Variants in UBR3 observed in about 807,000 individuals in gnomAD.
UBR3 encodes ubiquitin protein ligase E3 component n-recognin 3, also known as E3 ubiquitin-protein ligase UBR3.
A neutral mutation model predicts 243.2 loss-of-function variants in UBR3; 85 were observed. The ratio of observed to expected loss-of-function variants is 0.35; its 90% CI spans 0.29 to 0.42. UBR3 has a LOEUF of 0.42. Among genes scored for constraint, UBR3 ranks in the 10% least tolerant of loss-of-function variants. The pLI, the probability that UBR3 is intolerant of heterozygous loss-of-function variation, is 1.00. For synonymous variants in UBR3, 748 were observed against 799.8 expected (o/e 0.94, Z 1.09); for missense variants, 1,686 against 2,300.8 (o/e 0.73, Z 5.47).
intron 1 of UBR3, among the ~76,000 whole-genome samples, chr2:169,830,315 A>G (rs1291745860): frequency 6.6e-6 from 1 of 152,134 alleles, no homozygotes; most frequent in Non-Finnish European, 1.5e-5. Context: ...GCTTAGTACT[A>G]ATTACTCTGT....
intron 30 of UBR3, 34 bp downstream of exon 30, chr2:170,015,400 T>A (rs1369248613): frequency 6.5e-6 from 10 of 1,539,532 alleles, no homozygotes; most frequent in East Asian, 2.3e-5. Context: ...TTAAAAAAAA[T>A]TCTGTCATTT....
intron 19 of UBR3, among the ~76,000 whole-genome samples, chr2:169,938,722 A>G (rs1365149531): frequency 2.0e-5 from 3 of 152,204 alleles, no homozygotes; most frequent in Admixed American, 1.3e-4. Context: ...GCCTAAATCA[A>G]GGTCACAGAT....
At chr2:169,852,850 C>CAAAAAAAAAAAAA (rs869283640) in intron 1 of UBR3, among the ~76,000 whole-genome samples, 7 of 48,298 alleles carry the variant, frequency 1.4e-4, no homozygotes, top group Non-Finnish European at 9.9e-5. Flanking sequence ...GACTTCATCT[C>CAAAAAAAAAAAAA]AAAAAAAAAA....
chr2:169,862,416 A>C (rs1451167742), intron 1 of UBR3, among the ~76,000 whole-genome samples: 1 of 152,138 alleles, frequency 6.6e-6, no homozygotes, highest in African/African-American at 2.4e-5. Context: ...TGAATTTGGA[A>C]CTGAATTTCT....
chr2:170,081,455 G>A (rs570673000), intron 38 of UBR3, among the ~76,000 whole-genome samples: 91 of 152,034 alleles, frequency 6.0e-4, no homozygotes, highest in African/African-American at 2.1e-3. Context: ...AGCCAAGATC[G>A]TGCCACTGCA....
At chr2:169,960,389 A>AAATCTGAAAAAAT (rs1342483527) in intron 24 of UBR3, among the ~76,000 whole-genome samples, 1 of 152,000 alleles carries the variant, frequency 6.6e-6, no homozygotes, top group African/African-American at 2.4e-5. Context: ...TCTGAAAAAA[A>AAATCTGAAAAAAT]CTGAAATCTG....
At chr2:169,888,564 A>G (rs1340015555) in intron 5 of UBR3, among the ~76,000 whole-genome samples, 3 of 152,218 alleles carry the variant, frequency 2.0e-5, no homozygotes, top group Non-Finnish European at 2.9e-5. Flanking sequence ...TTGAACATCT[A>G]TAAAAAGGAA....
intron 8 of UBR3, among the ~76,000 whole-genome samples, chr2:169,900,148 T>G (rs947945930): frequency 6.6e-5 from 10 of 152,226 alleles, no homozygotes; most frequent in Non-Finnish European, 1.3e-4. Context: ...CCACATCCTC[T>G]CCAGCGTCTG....
chr2:169,965,730 A>G (rs2087775948), intron 24 of UBR3, among the ~76,000 whole-genome samples: 1 of 152,164 alleles, frequency 6.6e-6, no homozygotes, highest in Non-Finnish European at 1.5e-5. Context: ...TCATCACGCT[A>G]CTCAAAATGG....
intron 1 of UBR3, among the ~76,000 whole-genome samples, chr2:169,831,127 A>ATATATATATAT (rs1450878762): frequency 3.5e-5 from 2 of 56,478 alleles, no homozygotes; most frequent in African/African-American, 1.8e-4. Flanking sequence ...ATATATATAT[A>ATATATATATAT]TTTTTTTTTT....
intron 6 of UBR3, among the ~76,000 whole-genome samples, chr2:169,892,278 G>A (rs1049624329): frequency 2.6e-5 from 4 of 152,112 alleles, no homozygotes; most frequent in Non-Finnish European, 4.4e-5. Context: ...GAACTCATAT[G>A]GCCTTCTGGC....
chr2:169,922,288 T>TAA (rs748782463), intron 11 of UBR3, among the ~76,000 whole-genome samples: 91 of 122,740 alleles, frequency 7.4e-4, no homozygotes, highest in African/African-American at 2.3e-3. Flanking sequence ...CCTGTCTATT[T>TAA]AAAAAAAAAA....
intron 1 of UBR3, among the ~76,000 whole-genome samples, chr2:169,864,009 A>T (rs945266485): frequency 6.6e-6 from 1 of 151,944 alleles, no homozygotes. Context: ...AGCGCCATGG[A>T]TACTTTTTAT....
intron 27 of UBR3, among the ~76,000 whole-genome samples, chr2:170,003,656 C>T (rs2089796052): frequency 6.6e-6 from 1 of 151,572 alleles, no homozygotes; most frequent in African/African-American, 2.4e-5. Flanking sequence ...TTTTTTTCCC[C>T]TCCGAGATGG....
In UBR3 at chr2:170,015,373, A is replaced by G. The variant is rs1386827408; in HGVS notation, c.4453+7A>G. On this transcript the variant is annotated splice_region_variant and intron_variant, in intron 30 of 38. Coordinates refer to ENST00000272793, the MANE Select transcript of UBR3 (RefSeq NM_172070.4). Reference sequence around the variant, plus strand: ...GGCAAAAGGTCTTGTTTAAGTAAGTACTAAATACTGCTAAATTTAAAAAAA... The same window carrying G: ...GGCAAAAGGTCTTGTTTAAGTAAGTGCTAAATACTGCTAAATTTAAAAAAA... The G allele has an allele frequency of 1.0e-5, 16 of 1,593,428 alleles. No individual in the cohort carries two copies. Among genetic ancestry groups the G allele is most frequent in the Non-Finnish European group, 1.3e-5 (15 of 1,171,160 alleles).
chr2:170,063,372 G>A (rs760055660), intron 35 of UBR3, among the ~76,000 whole-genome samples: 3 of 152,050 alleles, frequency 2.0e-5, no homozygotes, highest in Non-Finnish European at 4.4e-5. Flanking sequence ...CCCTTTAGGC[G>A]GACCTGTTCA....
rs201768843 is a variant in UBR3, at chr2:170,075,195, C to CT, written c.5199+1595dup. On this transcript the variant is annotated intron_variant, in intron 36 of 38. Transcript: ENST00000272793. ...AAAAGATGCTATCTCATTTTATACC[C>CT]TTTTTTTAAAAAAAAAGGGAAATTC... Among the ~76,000 whole-genome samples the CT allele has an allele frequency of 4.4e-3, 663 of 151,954 alleles. 5 individuals carry two copies. The highest frequency in any genetic ancestry group is 0.014 in the African/African-American group (590 of 41,420).
chr2:169,903,757 A>C (rs2084915271), intron 8 of UBR3, among the ~76,000 whole-genome samples: 1 of 152,162 alleles, frequency 6.6e-6, no homozygotes, highest in Admixed American at 6.6e-5. Flanking sequence ...GTGGTGGCAC[A>C]TACTTGTAAT....
chr2:170,073,380 A>G (rs1330879769), intron 35 of UBR3, 48 bp from the exon 36 acceptor site: 3 of 1,604,236 alleles, frequency 1.9e-6, no homozygotes, highest in South Asian at 1.1e-5. Flanking sequence ...GTAATAGGAA[A>G]TGTTCTTGAT....
Sources: gnomAD v4.1 joint callset for allele counts (sites outside exome capture counted in the v4.1 genomes callset) on GRCh38, gnomAD v4.1.1 for gene constraint, MANE v1.5 for transcripts, NCBI Gene and HGNC (gene_info 2026-07-23, HGNC 2026-07-21) for gene names.